The following CADPS2 variants were observed in gnomAD, a reference collection of about 807,000 sequenced individuals.
The protein encoded by CADPS2 is calcium-dependent secretion activator 2.
CADPS2 carries 93 observed loss-of-function variants against 172.5 expected under a neutral mutation model. The observed-to-expected ratio is 0.54, with a 90% CI of 0.46 to 0.64. CADPS2 has a LOEUF of 0.64. CADPS2 is among the 30% of genes least tolerant of loss of function. CADPS2 has a pLI of 0.00. For missense variants in CADPS2, 1,420 were observed against 1,565.9 expected, an observed-to-expected ratio of 0.91 and a Z score of 1.57; for synonymous variants, 546 against 555.2, an observed-to-expected ratio of 0.98 and a Z score of 0.23.
chr7:122,474,450 A>T lies in CADPS2; in HGVS notation c.1929T>A (p.His643Gln), dbSNP rs2056385954. Residue 643 changes from histidine to glutamine, a missense_variant, in exon 13 of 30, where the codon CAT (histidine) becomes CAA (glutamine). Physicochemically the swap from His to Gln is conservative, Grantham distance 24. Coordinates refer to ENST00000449022, the MANE Select transcript of CADPS2 (RefSeq NM_017954.11). ...FISANPCKLD[H>Q]AFLFRILQRQ... ...TCTGGAGTATTCTAAAAAGGAAGGCATGATCAAGCTTGCAGGGGTTTGCAG... is the reference window on the plus strand; with the variant it reads ...TCTGGAGTATTCTAAAAAGGAAGGCTTGATCAAGCTTGCAGGGGTTTGCAG... 1 of 1,613,412 alleles carries T rather than the reference A, an allele frequency of 6.2e-7. No individual in the cohort carries two copies. Among genetic ancestry groups the T allele is most frequent in the Admixed American group, 1.7e-5 (1 of 59,964 alleles).
chr7:122,719,388 C>T (rs2090094361), intron 2 of CADPS2, among the ~76,000 whole-genome samples: 1 of 147,808 alleles, frequency 6.8e-6, no homozygotes, highest in Non-Finnish European at 1.5e-5. Flanking sequence ...ATCTGACTAT[C>T]CCCCTATCCT....
chr7:122,789,106 C>T (rs1212836245), intron 1 of CADPS2, among the ~76,000 whole-genome samples: 1 of 151,986 alleles, frequency 6.6e-6, no homozygotes, highest in East Asian at 1.9e-4. Flanking sequence ...TTTCTTGGTC[C>T]TCGGCTTGGG....
intron 1 of CADPS2, among the ~76,000 whole-genome samples, chr7:122,738,083 T>G (rs2092277225): frequency 6.6e-6 from 1 of 152,018 alleles, no homozygotes; most frequent in Non-Finnish European, 1.5e-5. Context: ...ACTGGGGAAG[T>G]TTACAACCAA....
intron 7 of CADPS2, among the ~76,000 whole-genome samples, chr7:122,561,310 C>T (rs1449107197): frequency 6.7e-6 from 1 of 150,150 alleles, no homozygotes; most frequent in Non-Finnish European, 1.5e-5. Flanking sequence ...AACCACACAC[C>T]ACATCTCCTT....
At chr7:122,545,649 T>A (rs960664478) in intron 8 of CADPS2, among the ~76,000 whole-genome samples, 2 of 152,084 alleles carry the variant, frequency 1.3e-5, no homozygotes, top group African/African-American at 2.4e-5. Flanking sequence ...TTTGTTAGGA[T>A]GGAGACTGAA....
At chr7:122,855,595 G>A (rs1814970699) in intron 1 of CADPS2, among the ~76,000 whole-genome samples, 1 of 152,076 alleles carries the variant, frequency 6.6e-6, no homozygotes, top group Admixed American at 6.6e-5. Flanking sequence ...AGAAGAATGT[G>A]AAATAAGACA....
intron 2 of CADPS2, chr7:122,698,664 T>C (rs1429789352): frequency 2.5e-6 from 4 of 1,613,940 alleles, no homozygotes; most frequent in Admixed American, 3.3e-5. Flanking sequence ...TGGGATTACA[T>C]GCATTTTGGA....
intron 2 of CADPS2, among the ~76,000 whole-genome samples, chr7:122,670,690 G>A (rs576486022): frequency 2.7e-4 from 41 of 151,368 alleles, no homozygotes; most frequent in Non-Finnish European, 5.6e-4. Context: ...TAGTAGAGAC[G>A]AGGTTTCACC....
chr7:122,666,814 A>G (rs2081240543), intron 2 of CADPS2, among the ~76,000 whole-genome samples: 1 of 152,174 alleles, frequency 6.6e-6, no homozygotes, highest in Non-Finnish European at 1.5e-5. Flanking sequence ...TCCCACTGGC[A>G]GATTCCCAGT....
chr7:122,673,721 C>G (rs909756720), intron 2 of CADPS2, among the ~76,000 whole-genome samples: 1 of 152,236 alleles, frequency 6.6e-6, no homozygotes, highest in African/African-American at 2.4e-5. Flanking sequence ...CTCCAAGTCC[C>G]CACTGGACTC....
At chr7:122,483,389 G>A (rs1003638507) in intron 11 of CADPS2, among the ~76,000 whole-genome samples, 1 of 151,982 alleles carries the variant, frequency 6.6e-6, no homozygotes, top group Non-Finnish European at 1.5e-5. Context: ...TTCAAAATGA[G>A]GGTAAAATAA....
At chr7:122,620,522 A>C (rs1188458786) in intron 5 of CADPS2, among the ~76,000 whole-genome samples, 1 of 152,186 alleles carries the variant, frequency 6.6e-6, no homozygotes, top group African/African-American at 2.4e-5. Context: ...TATCATGTAA[A>C]CCATCAACAG....
At chr7:122,839,063 G>A (rs1003109045) in intron 1 of CADPS2, among the ~76,000 whole-genome samples, 4 of 152,058 alleles carry the variant, frequency 2.6e-5, no homozygotes, top group Non-Finnish European at 4.4e-5. Flanking sequence ...ACAGCACGGT[G>A]CTGGTACCAA....
chr7:122,688,773 A>G (rs1588433729), intron 2 of CADPS2, among the ~76,000 whole-genome samples: 1 of 150,608 alleles, frequency 6.6e-6, no homozygotes, highest in Non-Finnish European at 1.5e-5. Flanking sequence ...GGTAACGGGG[A>G]GTTATACACC....
chr7:122,550,520 A>G (rs1270300080), intron 8 of CADPS2, among the ~76,000 whole-genome samples: 1 of 152,174 alleles, frequency 6.6e-6, no homozygotes, highest in African/African-American at 2.4e-5. Context: ...ATGCTTCCAC[A>G]TATTTGTGAA....
intron 2 of CADPS2, among the ~76,000 whole-genome samples, chr7:122,732,094 T>C (rs2091699077): frequency 6.6e-6 from 1 of 151,426 alleles, no homozygotes; most frequent in African/African-American, 2.4e-5. Flanking sequence ...ATAACTAACA[T>C]ATACACACAA....
At chr7:122,336,475 T>A (rs1200166072) in intron 28 of CADPS2, among the ~76,000 whole-genome samples, 1 of 152,180 alleles carries the variant, frequency 6.6e-6, no homozygotes, top group African/African-American at 2.4e-5. Flanking sequence ...AGAGACCAGT[T>A]GAAATGCAAG....
rs192343635 is a variant in CADPS2, at chr7:122,623,453, T to C, written c.868-1736A>G. Among the ~76,000 whole-genome samples, 196 of 152,282 alleles carry C rather than the reference T, an allele frequency of 1.3e-3. 1 individual carries two copies. Among genetic ancestry groups the C allele is most frequent in the African/African-American group, 4.4e-3 (183 of 41,554 alleles). Reference sequence around the variant, plus strand: ...GAGGTGAAGGCCATCCAATGATCATTTGGGGAAAAGTTCTTAGTTCACCTT... The same window carrying C: ...GAGGTGAAGGCCATCCAATGATCATCTGGGGAAAAGTTCTTAGTTCACCTT... On this transcript the variant is annotated intron_variant, in intron 4 of 29. Transcript: ENST00000449022.
intron 1 of CADPS2, among the ~76,000 whole-genome samples, chr7:122,742,931 A>C (rs1340055567): frequency 6.6e-6 from 1 of 152,158 alleles, no homozygotes; most frequent in East Asian, 1.9e-4. Context: ...TCCTGCCATT[A>C]TATATACTCC....
Sources: allele counts gnomAD v4.1 joint callset (sites outside exome capture counted in the v4.1 genomes callset), GRCh38; gene constraint gnomAD v4.1.1; transcripts MANE v1.5; gene names NCBI Gene and HGNC (gene_info 2026-07-23, HGNC 2026-07-21).